The following TMEM132B variants were observed in gnomAD, a reference collection of about 807,000 sequenced individuals.
TMEM132B encodes the protein transmembrane protein 132B.
Under a neutral mutation model 90.8 loss-of-function variants are expected in TMEM132B, and 18 were observed. The observed-to-expected ratio is 0.20, with a 90% CI of 0.14 to 0.29. The LOEUF (loss-of-function observed/expected upper bound fraction) is 0.29. Ranked by LOEUF, TMEM132B falls within the 10% of genes least tolerant of loss-of-function variation. The probability of loss-of-function intolerance (pLI) is 1.00; values close to 1 mark genes in which losing one functional copy is unlikely to be tolerated. For missense variants in TMEM132B, 1,096 were observed against 1,326.8 expected (o/e 0.83, Z 2.70); for synonymous variants, 504 against 523.3 (o/e 0.96, Z 0.50).
chr12:125,628,295 A>G (rs372052153), intron 5 of TMEM132B, among the ~76,000 whole-genome samples: 15 of 152,044 alleles, frequency 9.9e-5, no homozygotes, highest in African/African-American at 3.6e-4. Flanking sequence ...TTTTCTCTAT[A>G]TCCTTGCTAG....
chr12:125,653,400 G>A (rs1034101159), intron 8 of TMEM132B, among the ~76,000 whole-genome samples, 165 bp from the exon 9 acceptor site: 5 of 152,180 alleles, frequency 3.3e-5, no homozygotes, highest in African/African-American at 7.2e-5. Flanking sequence ...GCACATTATT[G>A]ATGCCGGTTC....
chr12:125,454,778 G>A (rs1217168222), intron 3 of TMEM132B, among the ~76,000 whole-genome samples: 1 of 152,168 alleles, frequency 6.6e-6, no homozygotes, highest in Non-Finnish European at 1.5e-5. Context: ...TTTAACAAGT[G>A]GATATGATGC....
intron 5 of TMEM132B, among the ~76,000 whole-genome samples, chr12:125,593,674 G>C (rs74668646): frequency 0.019 from 2,867 of 152,208 alleles, 34 homozygotes; most frequent in Non-Finnish European, 0.03. Context: ...TTCATGTTTG[G>C]GTACTTGGTT....
intron 1 of TMEM132B, among the ~76,000 whole-genome samples, chr12:125,311,508 C>T (rs1049415334): frequency 1.3e-5 from 2 of 152,164 alleles, no homozygotes; most frequent in African/African-American, 2.4e-5. Context: ...AGTGAGTCGC[C>T]ACCTCTAGCT....
chr12:125,554,260 A>G (rs535783035), intron 4 of TMEM132B, among the ~76,000 whole-genome samples: 19 of 151,190 alleles, frequency 1.3e-4, no homozygotes, highest in Admixed American at 3.3e-4. Context: ...TGTCTCTACT[A>G]AAAATACAAA....
In TMEM132B at chr12:125,349,436, T is replaced by C. The variant is rs780337540; in HGVS notation, c.68-16T>C. ...CAGAACACGGTTTTATTCTTTTGCT[T>C]TCCTTTCTTGTGCAGTGACAGAGAG... On this transcript the variant is annotated splice_polypyrimidine_tract_variant and intron_variant, in intron 1 of 8. Coordinates refer to ENST00000682704, the MANE Select transcript of TMEM132B (RefSeq NM_001366854.1). The surrounding 1 kb of genome is among the most constrained non-coding windows in gnomAD (Gnocchi z 4.1). 2 of 1,583,810 alleles carry C rather than the reference T, an allele frequency of 1.3e-6. No homozygotes were observed. The highest frequency in any genetic ancestry group is 1.7e-6 in the Non-Finnish European group (2 of 1,165,558).
intron 3 of TMEM132B, among the ~76,000 whole-genome samples, chr12:125,467,426 T>G (rs762079184): frequency 2.6e-5 from 4 of 152,060 alleles, no homozygotes; most frequent in Non-Finnish European, 4.4e-5. Context: ...ACTTTTCCCC[T>G]TCTCCTCCCC....
chr12:125,561,374 G>T (rs1209936699), intron 4 of TMEM132B, among the ~76,000 whole-genome samples: 1 of 151,948 alleles, frequency 6.6e-6, no homozygotes. Flanking sequence ...CCTGTCAGGG[G>T]GTAGGGGGCT....
intron 4 of TMEM132B, among the ~76,000 whole-genome samples, chr12:125,520,170 C>G (rs1010544211): frequency 6.6e-6 from 1 of 152,166 alleles, no homozygotes; most frequent in Non-Finnish European, 1.5e-5. Flanking sequence ...GATTTCTTCT[C>G]CTGGGCTTGG....
chr12:125,241,750 G>A (rs932197701), intron 1 of TMEM132B, among the ~76,000 whole-genome samples: 1 of 152,296 alleles, frequency 6.6e-6, no homozygotes, highest in South Asian at 2.1e-4. Context: ...AGTCCATGGC[G>A]ATTTGTCATG....
At chr12:125,377,154 A>T (rs1878518695) in intron 2 of TMEM132B, among the ~76,000 whole-genome samples, 2 of 152,212 alleles carry the variant, frequency 1.3e-5, no homozygotes, top group Non-Finnish European at 2.9e-5. Context: ...GGCACAGAAC[A>T]CCTGTGCAGG....
chr12:125,361,832 G>GT (rs1288326245), intron 2 of TMEM132B, among the ~76,000 whole-genome samples: 1 of 152,232 alleles, frequency 6.6e-6, no homozygotes, highest in African/African-American at 2.4e-5. Context: ...CTGGTAAGAA[G>GT]TAAGTGTAAA....
At chr12:125,483,900 T>G (rs1593168724) in intron 3 of TMEM132B, among the ~76,000 whole-genome samples, 1 of 152,090 alleles carries the variant, frequency 6.6e-6, no homozygotes, top group African/African-American at 2.4e-5. Flanking sequence ...GGGTCAGAGG[T>G]TGATCGGGTC....
At chr12:125,264,342 A>G (rs1012873204) in intron 1 of TMEM132B, among the ~76,000 whole-genome samples, 3 of 152,214 alleles carry the variant, frequency 2.0e-5, no homozygotes, top group Non-Finnish European at 4.4e-5. Flanking sequence ...CATTTGTCTT[A>G]TAAAGTAACA....
intron 7 of TMEM132B, among the ~76,000 whole-genome samples, chr12:125,651,600 A>C (rs1307708177): frequency 6.6e-6 from 1 of 152,194 alleles, no homozygotes; most frequent in Non-Finnish European, 1.5e-5. Flanking sequence ...TGTGTTTTCT[A>C]TTCTTGTGTG....
intron 1 of TMEM132B, among the ~76,000 whole-genome samples, chr12:125,299,771 A>G (rs1353190482): frequency 6.6e-6 from 1 of 152,142 alleles, no homozygotes; most frequent in Non-Finnish European, 1.5e-5. Context: ...GGATGCCCAG[A>G]ATCTGTACTC....
intron 5 of TMEM132B, among the ~76,000 whole-genome samples, chr12:125,605,243 T>C (rs1885664420): frequency 6.6e-6 from 1 of 152,228 alleles, no homozygotes; most frequent in African/African-American, 2.4e-5. Context: ...CTTCCTCTCA[T>C]CTCTGCTCAC....
Position 125,450,868 on chromosome 12 carries a change from A to G in TMEM132B, c.1106+35191A>G, listed in dbSNP as rs943761020. 2.0e-5 allele frequency among the ~76,000 whole-genome samples: 3 copies of G among 152,338 alleles called. No homozygotes were observed. In the East Asian group the frequency reaches 5.8e-4, roughly 29 times the overall value. On this transcript the variant is annotated intron_variant, in intron 3 of 8. Coordinates refer to ENST00000682704, the MANE Select transcript of TMEM132B (RefSeq NM_001366854.1). ...AGGTTTGATTCTCTGACAAGGACAC[A>G]ACATCACTTATGTAAGTATTCCAGC...
chr12:125,230,846 T>C (rs1873804152), intron 1 of TMEM132B, among the ~76,000 whole-genome samples: 1 of 152,142 alleles, frequency 6.6e-6, no homozygotes, highest in African/African-American at 2.4e-5. Context: ...TAGAGTTCAA[T>C]AACCCCTGCA....
Sources: gnomAD v4.1 joint callset for allele counts (sites outside exome capture counted in the v4.1 genomes callset) on GRCh38, gnomAD v4.1.1 for gene constraint, Gnocchi (gnomAD v3.1) non-coding constraint, MANE v1.5 for transcripts, NCBI Gene and HGNC (gene_info 2026-07-23, HGNC 2026-07-21) for gene names.